LDB2: variants seen among roughly 807,000 people sequenced by gnomAD.
LDB2 encodes LIM domain binding 2.
In LDB2, 12 loss-of-function variants were observed where a neutral mutation model predicts 44.3. The observed-to-expected ratio is 0.27, with a 90% CI of 0.17 to 0.44. LDB2 has a LOEUF of 0.44. Ranked by LOEUF, LDB2 falls within the 20% of genes least tolerant of loss-of-function variation. The pLI, the probability that LDB2 is intolerant of heterozygous loss-of-function variation, is 1.00. For synonymous variants in LDB2, 164 were observed against 174.8 expected (o/e 0.94, Z 0.49); for missense variants, 344 against 473.5 (o/e 0.73, Z 2.54).
chr4:16,520,398 A>G (rs941053631), intron 5 of LDB2, among the ~76,000 whole-genome samples: 3 of 152,240 alleles, frequency 2.0e-5, no homozygotes, highest in African/African-American at 7.2e-5. Context: ...GAAGAGGAAG[A>G]ACAAGGGATA....
chr4:16,744,313 T>C (rs1763943561), intron 2 of LDB2, among the ~76,000 whole-genome samples: 2 of 151,720 alleles, frequency 1.3e-5, no homozygotes, highest in Admixed American at 6.6e-5. Flanking sequence ...CCCGCCATCA[T>C]GCCCAGCTAA....
intron 1 of LDB2, among the ~76,000 whole-genome samples, chr4:16,825,214 T>A (rs187764091): frequency 2.4e-4 from 37 of 152,298 alleles, no homozygotes; most frequent in Non-Finnish European, 3.5e-4. Context: ...CAACTTGGAA[T>A]AAACAGCTCC....
At chr4:16,867,911 A>C (rs529993554) in intron 1 of LDB2, among the ~76,000 whole-genome samples, 2 of 152,204 alleles carry the variant, frequency 1.3e-5, no homozygotes, top group East Asian at 3.8e-4. Flanking sequence ...TAACCTGACC[A>C]CTTCAAAAAC....
intron 5 of LDB2, among the ~76,000 whole-genome samples, chr4:16,514,823 GA>G (rs576306611): frequency 2.6e-5 from 4 of 152,196 alleles, no homozygotes; most frequent in African/African-American, 9.6e-5. Flanking sequence ...TGTTAATATG[GA>G]AAAACCTGTG....
At chr4:16,635,178 A>G (rs1329849844) in intron 2 of LDB2, among the ~76,000 whole-genome samples, 1 of 152,134 alleles carries the variant, frequency 6.6e-6, no homozygotes, top group Non-Finnish European at 1.5e-5. Context: ...CATCAGGAGA[A>G]ATACCTAATG....
intron 2 of LDB2, among the ~76,000 whole-genome samples, chr4:16,744,609 G>T (rs994250852): frequency 1.3e-5 from 2 of 151,982 alleles, no homozygotes; most frequent in Non-Finnish European, 2.9e-5. Context: ...CAAGTAGCTG[G>T]GACTACAGGT....
At chr4:16,869,655 A>G (rs192662235) in intron 1 of LDB2, among the ~76,000 whole-genome samples, 1 of 152,356 alleles carries the variant, frequency 6.6e-6, no homozygotes, top group East Asian at 1.9e-4. Flanking sequence ...GCCTGAAATC[A>G]AAACCACTGC....
Position 16,586,044 on chromosome 4 carries a change from C to T in LDB2, c.532-39G>A, listed in dbSNP as rs188894652. 71 of 1,478,056 alleles carry T rather than the reference C, an allele frequency of 4.8e-5. No individual in the cohort carries two copies. The African/African-American group carries it at 8.3e-4, about 17-fold the overall frequency. The allele number at this position is 1,478,056 out of a possible 1,614,324, so 91.6% of individuals were successfully genotyped here. On this transcript the variant is annotated intron_variant, in intron 4 of 7. Transcript: ENST00000304523. ...AAACCCCACATGTATTTTATCACTA[C>T]AGGACGGTCCTGAGAAAATCTCAGA...
intron 1 of LDB2, among the ~76,000 whole-genome samples, chr4:16,810,481 A>G (rs1430495789): frequency 6.6e-6 from 1 of 152,240 alleles, no homozygotes; most frequent in African/African-American, 2.4e-5. Flanking sequence ...AGATAAGGGT[A>G]GTTGTGATGG....
intron 1 of LDB2, among the ~76,000 whole-genome samples, chr4:16,788,980 G>A (rs543907288): frequency 6.6e-6 from 1 of 152,260 alleles, no homozygotes; most frequent in Admixed American, 6.5e-5. Flanking sequence ...TGCATGCTAT[G>A]GGGTTTTTTT....
intron 5 of LDB2, among the ~76,000 whole-genome samples, chr4:16,528,014 T>G (rs780668927): frequency 6.8e-6 from 1 of 146,188 alleles, no homozygotes; most frequent in Non-Finnish European, 1.5e-5. Flanking sequence ...TATATATATA[T>G]ACACTACTTA....
At chr4:16,659,869 C>T (rs2152538716) in intron 2 of LDB2, among the ~76,000 whole-genome samples, 1 of 152,124 alleles carries the variant, frequency 6.6e-6, no homozygotes, top group South Asian at 2.1e-4. Flanking sequence ...CTTTGTGATC[C>T]TTACAAAGGC....
intron 1 of LDB2, among the ~76,000 whole-genome samples, chr4:16,879,763 C>T (rs1261594055): frequency 6.6e-6 from 1 of 152,106 alleles, no homozygotes; most frequent in Middle Eastern, 3.2e-3. Context: ...TGGATATATA[C>T]CCTATATCTG....
At chr4:16,726,924 A>C (rs1429080147) in intron 2 of LDB2, among the ~76,000 whole-genome samples, 1 of 152,230 alleles carries the variant, frequency 6.6e-6, no homozygotes, top group Non-Finnish European at 1.5e-5. Flanking sequence ...AAACGCAAAA[A>C]ATTACATATG....
chr4:16,841,184 A>T (rs1468436466), intron 1 of LDB2, among the ~76,000 whole-genome samples: 1 of 152,156 alleles, frequency 6.6e-6, no homozygotes, highest in Non-Finnish European at 1.5e-5. Context: ...TACATTTTTT[A>T]AAATTCAGGG....
chr4:16,572,045 C>T (rs1350914227), intron 5 of LDB2, among the ~76,000 whole-genome samples: 1 of 152,096 alleles, frequency 6.6e-6, no homozygotes, highest in Admixed American at 6.6e-5. Flanking sequence ...GGTACCTGGG[C>T]AAAGTGGAAG....
At chr4:16,860,698 A>G (rs1712236062) in intron 1 of LDB2, among the ~76,000 whole-genome samples, 1 of 152,234 alleles carries the variant, frequency 6.6e-6, no homozygotes, top group African/African-American at 2.4e-5. Flanking sequence ...GATCTCATTC[A>G]ATGAACACTT....
intron 2 of LDB2, among the ~76,000 whole-genome samples, chr4:16,715,651 C>T (rs565520579): frequency 2.6e-5 from 4 of 152,272 alleles, no homozygotes; most frequent in African/African-American, 9.6e-5. Flanking sequence ...ACATGACTTT[C>T]ACATATTGCC....
chr4:16,592,505 T>TATATACAC (rs757702164), intron 3 of LDB2, among the ~76,000 whole-genome samples: 311 of 107,772 alleles, frequency 2.9e-3, no homozygotes, highest in African/African-American at 0.011. Flanking sequence ...TATATATATA[T>TATATACAC]ACACACACAC....
Sources: allele counts gnomAD v4.1 joint callset (sites outside exome capture counted in the v4.1 genomes callset), GRCh38; gene constraint gnomAD v4.1.1; transcripts MANE v1.5; gene names NCBI Gene and HGNC (gene_info 2026-07-23, HGNC 2026-07-21).